STRBP: variants seen among roughly 807,000 people sequenced by gnomAD.
STRBP encodes the protein spermatid perinuclear RNA-binding protein.
Under a neutral mutation model 80.1 loss-of-function variants are expected in STRBP, and 13 were observed. That is an observed-to-expected ratio of 0.16 (90% CI 0.11 to 0.26). The LOEUF (loss-of-function observed/expected upper bound fraction) is 0.26. Among genes scored for constraint, STRBP ranks in the 10% least tolerant of loss-of-function variants. The pLI, the probability that STRBP is intolerant of heterozygous loss-of-function variation, is 1.00. For synonymous variants in STRBP, 284 were observed against 291.2 expected (o/e 0.98, Z 0.25); for missense variants, 485 against 815.2 (o/e 0.59, Z 4.93).
intron 2 of STRBP, among the ~76,000 whole-genome samples, chr9:123,234,997 G>GT (rs1491429512): frequency 7.3e-4 from 15 of 20,654 alleles, no homozygotes; most frequent in Non-Finnish European, 1.2e-3. Flanking sequence ...CTTTTTTTTT[G>GT]GGGGGGGGGG....
At chr9:123,193,522 C>T (rs529043270) in intron 2 of STRBP, among the ~76,000 whole-genome samples, 1 of 152,290 alleles carries the variant, frequency 6.6e-6, no homozygotes, top group East Asian at 1.9e-4. Context: ...AGCTCAGTGA[C>T]ACACTCAACT....
chr9:123,136,755 T>G lies in STRBP; in HGVS notation c.1498-240A>C, dbSNP rs2036371147. On this transcript the variant is annotated intron_variant, in intron 14 of 18. Transcript: ENST00000348403. The surrounding 1 kb of genome is among the most constrained non-coding windows in gnomAD (Gnocchi z 4.2). ...CCTTCGAAGCAGTATTCAAGACCAA[T>G]CAATGCAACCTCACCACTGTGGGCC... Among the ~76,000 whole-genome samples, 2 of 152,170 alleles carry G rather than the reference T, an allele frequency of 1.3e-5. No homozygotes were observed. The highest frequency in any genetic ancestry group is 4.8e-5 in the African/African-American group (2 of 41,438).
At chr9:123,186,746 A>G (rs1377702280) in intron 2 of STRBP, among the ~76,000 whole-genome samples, 1 of 152,034 alleles carries the variant, frequency 6.6e-6, no homozygotes, top group Non-Finnish European at 1.5e-5. Flanking sequence ...TTGAGAAAAA[A>G]GCCAAATTTA....
intron 1 of STRBP, among the ~76,000 whole-genome samples, chr9:123,250,765 C>A (rs1455364826): frequency 6.6e-6 from 1 of 152,182 alleles, no homozygotes; most frequent in Non-Finnish European, 1.5e-5. Context: ...GCAAAAACAT[C>A]AACCATTCTT....
rs1045098310 is a variant in STRBP, at chr9:123,136,865, C to T, written c.1498-350G>A. On this transcript the variant is annotated intron_variant, in intron 14 of 18. Transcript: ENST00000348403. The surrounding 1 kb of genome is among the most constrained non-coding windows in gnomAD (Gnocchi z 4.2). ...ACGAGAATAGAACAGTTTGGATTCA[C>T]GTGATGCCTAAGGGTTCATCATTTT... 4.6e-5 allele frequency among the ~76,000 whole-genome samples: 7 copies of T among 152,132 alleles called. No homozygotes were observed. The highest frequency in any genetic ancestry group is 2.1e-4 in the South Asian group (1 of 4,830).
intron 2 of STRBP, among the ~76,000 whole-genome samples, chr9:123,197,341 GTCA>G (rs1564289111): frequency 1.3e-5 from 2 of 152,168 alleles, no homozygotes; most frequent in East Asian, 1.9e-4. Flanking sequence ...GGTGATTACA[GTCA>G]GTAATTTTTT....
intron 2 of STRBP, among the ~76,000 whole-genome samples, chr9:123,208,398 A>C (rs2039596797): frequency 6.6e-6 from 1 of 152,174 alleles, no homozygotes; most frequent in African/African-American, 2.4e-5. Context: ...CGCAGATTTC[A>C]TCAGGATTTG....
At chr9:123,114,968 G>A (rs2035622512) in intron 3 of STRBP, 2 of 346,362 alleles carry the variant, frequency 5.8e-6, no homozygotes, top group Non-Finnish European at 1.2e-5. Context: ...CCTGGCCAAT[G>A]GCAACAGCCT....
chr9:123,176,116 C>G (rs2038207824), intron 4 of STRBP, among the ~76,000 whole-genome samples: 1 of 152,170 alleles, frequency 6.6e-6, no homozygotes, highest in Non-Finnish European at 1.5e-5. Context: ...GGCCAGAGCC[C>G]AACAGATATT....
At chr9:123,196,980 C>T (rs1025610245) in intron 2 of STRBP, among the ~76,000 whole-genome samples, 1 of 152,138 alleles carries the variant, frequency 6.6e-6, no homozygotes, top group Non-Finnish European at 1.5e-5. Flanking sequence ...GATTTGGAAG[C>T]AACCTAAATG....
intron 1 of STRBP, among the ~76,000 whole-genome samples, chr9:123,254,152 G>A (rs902601132): frequency 2.6e-5 from 4 of 152,030 alleles, no homozygotes; most frequent in Non-Finnish European, 4.4e-5. Flanking sequence ...ACTCAGCTAC[G>A]TTCATTTAAG....
chr9:123,199,597 T>C (rs946243647), intron 2 of STRBP, among the ~76,000 whole-genome samples: 7 of 152,218 alleles, frequency 4.6e-5, no homozygotes, highest in African/African-American at 1.4e-4. Flanking sequence ...ATCTTTCACC[T>C]CCTTGGTTAG....
intron 1 of STRBP, among the ~76,000 whole-genome samples, chr9:123,266,779 G>A (rs1189076083): frequency 6.6e-6 from 1 of 151,744 alleles, no homozygotes; most frequent in African/African-American, 2.4e-5. Flanking sequence ...ATACACCTCT[G>A]CCTTGCCCTT....
At chr9:123,248,253 C>T (rs2040837953) in intron 1 of STRBP, among the ~76,000 whole-genome samples, 1 of 150,492 alleles carries the variant, frequency 6.6e-6, no homozygotes, top group Admixed American at 6.6e-5. Flanking sequence ...TTCTCCCACC[C>T]CTATCGTGTT....
intron 1 of STRBP, among the ~76,000 whole-genome samples, chr9:123,258,599 C>A (rs535075231): frequency 6.0e-4 from 92 of 152,066 alleles, no homozygotes; most frequent in African/African-American, 2.1e-3. Context: ...GTCAGGAAAT[C>A]GAGACCATCC....
intron 18 of STRBP, 121 bp from the exon 19 acceptor site, chr9:123,125,794 G>T: frequency 1.5e-6 from 1 of 661,060 alleles, no homozygotes; most frequent in Non-Finnish European, 2.4e-6. Context: ...CAGTCAACAT[G>T]TATACCATTT....
At chr9:123,152,790 G>C (rs926576401) in intron 11 of STRBP, among the ~76,000 whole-genome samples, 1 of 152,062 alleles carries the variant, frequency 6.6e-6, no homozygotes, top group South Asian at 2.1e-4. Context: ...AATGGTGTTG[G>C]AACAGTTCTG....
intron 2 of STRBP, among the ~76,000 whole-genome samples, chr9:123,201,729 C>G (rs148885921): frequency 6.6e-6 from 1 of 152,154 alleles, no homozygotes. Flanking sequence ...TTCTGCAGAT[C>G]TTAGGTAGAA....
At chr9:123,170,649 T>C (rs1432033537) in intron 5 of STRBP, among the ~76,000 whole-genome samples, 1 of 152,214 alleles carries the variant, frequency 6.6e-6, no homozygotes. Flanking sequence ...GACCTACCAC[T>C]ATGGGTCAAG....
Sources: gnomAD v4.1 joint callset for allele counts (sites outside exome capture counted in the v4.1 genomes callset) on GRCh38, gnomAD v4.1.1 for gene constraint, Gnocchi (gnomAD v3.1) non-coding constraint, MANE v1.5 for transcripts, NCBI Gene and HGNC (gene_info 2026-07-23, HGNC 2026-07-21) for gene names.